Variants in ARMH4 observed in about 807,000 individuals in gnomAD.
ARMH4 encodes armadillo like helical domain containing 4.
Under a neutral mutation model 61.9 loss-of-function variants are expected in ARMH4, and 49 were observed. That is an observed-to-expected ratio of 0.79 (90% CI 0.63 to 1.00). ARMH4 has a LOEUF of 1.00. ARMH4 is among the 50% of genes least tolerant of loss of function. The pLI, the probability that ARMH4 is intolerant of heterozygous loss-of-function variation, is 0.00. For synonymous variants in ARMH4, 368 were observed against 341.5 expected (o/e 1.08, Z -0.85); for missense variants, 934 against 930.0 (o/e 1.00, Z -0.06).
intron 5 of ARMH4, among the ~76,000 whole-genome samples, chr14:58,031,778 AAC>A (rs1318450091): frequency 2.0e-5 from 3 of 152,228 alleles, no homozygotes; most frequent in Non-Finnish European, 4.4e-5. Context: ...AGACAAAAGT[AAC>A]TTGAAAAGTT....
In ARMH4 at chr14:58,096,724, C is replaced by A; in HGVS notation, c.2089G>T (p.Val697Leu). Residue 697 changes from valine to leucine, a missense_variant and splice_region_variant, in exon 5 of 8, where the codon GTG becomes TTG. Transcript: ENST00000267485. The stretch of plus-strand genomic sequence containing the variant: ...AAAGGGAAATACACATGACTCTTAC[C>A]CAGGCCTTGATTCTGCTGTTCCCAC... ...LEWEQQNQGL[V>L]RSWMEKLKDK... 1 of 1,613,418 alleles carries A rather than the reference C, an allele frequency of 6.2e-7. No individual in the cohort carries two copies. The highest frequency in any genetic ancestry group is 8.5e-7 in the Non-Finnish European group (1 of 1,179,636).
Position 58,096,753 on chromosome 14 carries a change from AGGGCATCTGGCACCT to A in ARMH4, c.2045_2059del (p.Gln682_Ala686del), listed in dbSNP as rs772702809. 12 of 1,613,948 alleles carry A rather than the reference AGGGCATCTGGCACCT, an allele frequency of 7.4e-6. No individual in the cohort carries two copies. The South Asian group carries it at 1.3e-4, about 18-fold the overall frequency. On this transcript the variant is annotated inframe_deletion, in exon 5 of 8. Coordinates refer to ENST00000267485, the MANE Select transcript of ARMH4 (RefSeq NM_001001872.4). The stretch of plus-strand genomic sequence containing the variant: ...GCCTTGATTCTGCTGTTCCCACTCG[AGGGCATCTGGCACCT>A]GGTAGGTAGCTCCCTCCAACAGGTC...
intron 4 of ARMH4, among the ~76,000 whole-genome samples, chr14:58,106,803 A>AC (rs34919156): frequency 1.7e-5 from 1 of 59,980 alleles, no homozygotes; most frequent in Non-Finnish European, 6.4e-5. Flanking sequence ...TTGGTAGGTG[A>AC]AAAAAAAAAA....
chr14:58,048,932 T>A (rs1455945791), intron 5 of ARMH4, among the ~76,000 whole-genome samples: 1 of 151,986 alleles, frequency 6.6e-6, no homozygotes, highest in African/African-American at 2.4e-5. Context: ...GAGAAACAAA[T>A]TTAAGAAAAA....
intron 4 of ARMH4, among the ~76,000 whole-genome samples, chr14:58,104,192 T>C (rs563752950): frequency 1.3e-5 from 2 of 152,322 alleles, no homozygotes; most frequent in South Asian, 4.1e-4. Context: ...AGATGCCTTC[T>C]TCTGAGTCAG....
At chr14:58,028,488 T>C (rs1479983132) in intron 5 of ARMH4, among the ~76,000 whole-genome samples, 4 of 152,216 alleles carry the variant, frequency 2.6e-5, no homozygotes, top group Admixed American at 6.5e-5. Flanking sequence ...GCTCCTTTGA[T>C]GTTCCCCTGG....
intron 5 of ARMH4, among the ~76,000 whole-genome samples, chr14:58,024,007 G>T (rs530097756): frequency 6.6e-6 from 1 of 152,174 alleles, no homozygotes; most frequent in Non-Finnish European, 1.5e-5. Flanking sequence ...CATTTATAGA[G>T]CACAGGCAGA....
intron 6 of ARMH4, among the ~76,000 whole-genome samples, chr14:58,011,542 T>C (rs1282022552): frequency 6.6e-6 from 1 of 152,138 alleles, no homozygotes; most frequent in East Asian, 1.9e-4. Context: ...AGTTTAAAAT[T>C]ACCAAGTAAC....
chr14:58,114,571 G>A (rs991699702), intron 4 of ARMH4, among the ~76,000 whole-genome samples: 48 of 152,114 alleles, frequency 3.2e-4, no homozygotes, highest in African/African-American at 1.1e-3. Context: ...TACTTTTCAA[G>A]GGCATCCATA....
intron 5 of ARMH4, among the ~76,000 whole-genome samples, chr14:58,096,295 A>G (rs765709188): frequency 8.5e-5 from 13 of 152,154 alleles, no homozygotes; most frequent in Non-Finnish European, 1.9e-4. Context: ...CAAAAAATGC[A>G]TTTGTTCTTC....
intron 5 of ARMH4, among the ~76,000 whole-genome samples, chr14:58,054,883 A>AAAAAAATAAT (rs374230526): frequency 1.9e-4 from 26 of 138,446 alleles, no homozygotes; most frequent in Non-Finnish European, 3.5e-4. Context: ...AAAAAAAAAA[A>AAAAAAATAAT]AATAATAATA....
chr14:58,031,467 A>G (rs1402378375), intron 5 of ARMH4, among the ~76,000 whole-genome samples: 3 of 152,208 alleles, frequency 2.0e-5, no homozygotes, highest in Admixed American at 2.0e-4. Context: ...TTCCTAATGC[A>G]GAAGTTAGGC....
chr14:58,097,869 C>T (rs1372823138), intron 4 of ARMH4, among the ~76,000 whole-genome samples: 2 of 152,072 alleles, frequency 1.3e-5, no homozygotes, highest in African/African-American at 4.8e-5. Context: ...TGGCACTTCA[C>T]CACAAGCTGT....
intron 4 of ARMH4, among the ~76,000 whole-genome samples, chr14:58,107,763 C>CAAAAA (rs34507217): frequency 1.0e-5 from 1 of 97,338 alleles, no homozygotes; most frequent in South Asian, 3.5e-4. Context: ...GACTCCATCT[C>CAAAAA]AAAAAAAAAA....
chr14:58,011,184 T>C (rs960556604), intron 6 of ARMH4, among the ~76,000 whole-genome samples: 4 of 152,186 alleles, frequency 2.6e-5, no homozygotes, highest in African/African-American at 4.8e-5. Flanking sequence ...TCTCAAAAAC[T>C]ATCTGTGCTA....
intron 6 of ARMH4, 45 bp downstream of exon 6, chr14:58,012,072 CTA>C: frequency 7.7e-7 from 1 of 1,303,514 alleles, no homozygotes; most frequent in Non-Finnish European, 1.1e-6. Context: ...CTTAATAAAG[CTA>C]TATGCCCCTA....
At chr14:58,034,984 A>G (rs1333321589) in intron 5 of ARMH4, among the ~76,000 whole-genome samples, 1 of 106,062 alleles carries the variant, frequency 9.4e-6, no homozygotes, top group Non-Finnish European at 2.1e-5. Context: ...TGTCAACATT[A>G]GACAGATCCA....
intron 5 of ARMH4, among the ~76,000 whole-genome samples, chr14:58,054,668 C>T (rs1884263850): frequency 6.6e-6 from 1 of 151,986 alleles, no homozygotes; most frequent in Admixed American, 6.6e-5. Context: ...CAGGCTGAGG[C>T]AGGCAGATTA....
At chr14:58,029,423 G>A (rs1052313547) in intron 5 of ARMH4, among the ~76,000 whole-genome samples, 4 of 151,942 alleles carry the variant, frequency 2.6e-5, no homozygotes, top group East Asian at 3.9e-4. Flanking sequence ...TAGTAGAGAC[G>A]GGGTTTCTCC....
Sources: gnomAD v4.1 joint callset for allele counts (sites outside exome capture counted in the v4.1 genomes callset) on GRCh38, gnomAD v4.1.1 for gene constraint, MANE v1.5 for transcripts, NCBI Gene and HGNC (gene_info 2026-07-23, HGNC 2026-07-21) for gene names.